The following CALN1 variants were observed in gnomAD, a reference collection of about 807,000 sequenced individuals.
CALN1 encodes calneuron 1, also known as calcium-binding protein 8.
Under a neutral mutation model 30.6 loss-of-function variants are expected in CALN1, and 17 were observed. The observed-to-expected ratio is 0.56, with a 90% CI of 0.38 to 0.83. The LOEUF (loss-of-function observed/expected upper bound fraction) is 0.83. Ranked by LOEUF, CALN1 falls within the 40% of genes least tolerant of loss-of-function variation. The probability of loss-of-function intolerance (pLI) is 0.00; values close to 1 mark genes in which losing one functional copy is unlikely to be tolerated. For synonymous variants in CALN1, 156 were observed against 131.4 expected, an observed-to-expected ratio of 1.19 and a Z score of -1.28; for missense variants, 291 against 354.9, an observed-to-expected ratio of 0.82 and a Z score of 1.45.
At chr7:72,220,020 A>AT (rs35625397) in intron 3 of CALN1, among the ~76,000 whole-genome samples, 104,185 of 150,632 alleles carry the variant, frequency 0.69, 36,487 homozygotes, top group East Asian at 0.99. Flanking sequence ...ATTGGCAACA[A>AT]TTTTTTTTTT....
intron 5 of CALN1, among the ~76,000 whole-genome samples, chr7:71,906,368 A>G (rs1386745804): frequency 1.3e-5 from 2 of 152,214 alleles, no homozygotes; most frequent in Non-Finnish European, 2.9e-5. Flanking sequence ...AGGAGCTTAG[A>G]TATTGATCCA....
chr7:71,941,804 T>C lies in CALN1; in HGVS notation c.501+81853A>G, dbSNP rs138481432. On this transcript the variant is annotated intron_variant, in intron 5 of 6. Transcript: ENST00000395275. ...TTCCAAATGATATATTCTAGAGAAATTCACACAGGTATGTAAGGGGCCATG... is the reference window on the plus strand; with the variant it reads ...TTCCAAATGATATATTCTAGAGAAACTCACACAGGTATGTAAGGGGCCATG... Among the ~76,000 whole-genome samples the C allele has an allele frequency of 8.4e-3, 1,280 of 152,276 alleles. 4 individuals carry two copies. The highest frequency in any genetic ancestry group is 0.044 in the Middle Eastern group (13 of 294).
intron 4 of CALN1, among the ~76,000 whole-genome samples, chr7:72,070,432 G>A (rs1008292839): frequency 3.9e-5 from 6 of 152,112 alleles, no homozygotes; most frequent in Non-Finnish European, 8.8e-5. Context: ...TGTTGTTTAC[G>A]GAAACCTCAG....
chr7:72,106,419 A>C (rs769773237), intron 3 of CALN1, 125 bp from the exon 4 acceptor site: 1 of 1,156,038 alleles, frequency 8.7e-7, no homozygotes, highest in African/African-American at 1.5e-5. Context: ...AAAACTCTTT[A>C]ATCAGATAAA....
intron 5 of CALN1, among the ~76,000 whole-genome samples, chr7:71,907,621 T>G (rs1358864010): frequency 1.3e-5 from 2 of 152,208 alleles, no homozygotes; most frequent in African/African-American, 4.8e-5. Context: ...AAAGCGATAA[T>G]ACCTACTTTG....
chr7:71,932,815 C>CAA (rs5884864), intron 5 of CALN1, among the ~76,000 whole-genome samples: 949 of 82,666 alleles, frequency 0.011, 17 homozygotes, highest in African/African-American at 0.039. Context: ...TACTCCATCT[C>CAA]AAAAAAAAAA....
chr7:72,256,682 C>G (rs1344389356), intron 3 of CALN1, among the ~76,000 whole-genome samples: 2 of 152,050 alleles, frequency 1.3e-5, no homozygotes, highest in Non-Finnish European at 2.9e-5. Flanking sequence ...TCATAGCTCA[C>G]TGCAGCCTCA....
chr7:72,308,571 T>C (rs532504530), intron 2 of CALN1, among the ~76,000 whole-genome samples: 3 of 152,310 alleles, frequency 2.0e-5, no homozygotes, highest in African/African-American at 7.2e-5. Flanking sequence ...TGAGGGATCC[T>C]GTCCCCCTGG....
intron 4 of CALN1, among the ~76,000 whole-genome samples, chr7:72,070,843 T>G (rs1804343292): frequency 6.6e-6 from 1 of 152,222 alleles, no homozygotes; most frequent in Non-Finnish European, 1.5e-5. Context: ...ATTCAATTTC[T>G]TAAGTCCTAT....
intron 1 of CALN1, among the ~76,000 whole-genome samples, chr7:72,410,379 G>A (rs768822889): frequency 1.4e-4 from 21 of 152,270 alleles, no homozygotes; most frequent in South Asian, 4.1e-4. Context: ...TGCCAATCTA[G>A]GACGTAGAAA....
chr7:72,383,954 T>C (rs931567751), intron 2 of CALN1, among the ~76,000 whole-genome samples: 1 of 152,222 alleles, frequency 6.6e-6, no homozygotes. Context: ...ACTGGGTATA[T>C]ACCCAAAGGA....
chr7:72,202,953 T>C (rs1455583889), intron 3 of CALN1, among the ~76,000 whole-genome samples: 2 of 152,064 alleles, frequency 1.3e-5, no homozygotes, highest in Non-Finnish European at 2.9e-5. Context: ...CCATCGATGA[T>C]AAACTGGATA....
intron 2 of CALN1, among the ~76,000 whole-genome samples, chr7:72,353,884 T>C (rs1055477115): frequency 1.3e-5 from 2 of 152,074 alleles, no homozygotes; most frequent in African/African-American, 4.8e-5. Flanking sequence ...AAAAATGAAA[T>C]TTTAAAAATA....
chr7:71,861,918 G>T (rs1169040223), intron 5 of CALN1, among the ~76,000 whole-genome samples: 1 of 152,050 alleles, frequency 6.6e-6, no homozygotes, highest in African/African-American at 2.4e-5. Context: ...TTCCAGGGCT[G>T]CCTGTCTACT....
chr7:72,284,669 G>A (rs1373822258), intron 2 of CALN1, among the ~76,000 whole-genome samples: 1 of 152,152 alleles, frequency 6.6e-6, no homozygotes, highest in Non-Finnish European at 1.5e-5. Context: ...TTCACTATCT[G>A]ATTCTCAGGT....
At chr7:72,021,044 G>T (rs1800674998) in intron 5 of CALN1, among the ~76,000 whole-genome samples, 1 of 152,160 alleles carries the variant, frequency 6.6e-6, no homozygotes, top group Admixed American at 6.5e-5. Flanking sequence ...GCCAAGGCAG[G>T]AAGATTGCTT....
chr7:72,309,262 A>T (rs1332047422), intron 2 of CALN1, among the ~76,000 whole-genome samples: 1 of 152,176 alleles, frequency 6.6e-6, no homozygotes, highest in Non-Finnish European at 1.5e-5. Context: ...TTATCCTAGA[A>T]ATCCATGCCG....
chr7:72,266,905 G>A (rs1276523869), intron 3 of CALN1, among the ~76,000 whole-genome samples: 1 of 152,152 alleles, frequency 6.6e-6, no homozygotes, highest in Non-Finnish European at 1.5e-5. Flanking sequence ...CAAAGGGCAG[G>A]TCAAGCCTCC....
chr7:72,190,318 TC>T (rs1790513570), intron 3 of CALN1, among the ~76,000 whole-genome samples: 5 of 152,154 alleles, frequency 3.3e-5, no homozygotes, highest in Admixed American at 3.3e-4. Context: ...ACCGCTGCAC[TC>T]CAGCCTGGGT....
Sources: gnomAD v4.1 joint callset for allele counts (sites outside exome capture counted in the v4.1 genomes callset) on GRCh38, gnomAD v4.1.1 for gene constraint, MANE v1.5 for transcripts, NCBI Gene and HGNC (gene_info 2026-07-23, HGNC 2026-07-21) for gene names.